ECE1: variants seen among roughly 807,000 people sequenced by gnomAD.
ECE1 encodes the protein endothelin converting enzyme 1.
Under a neutral mutation model 98.6 loss-of-function variants are expected in ECE1, and 35 were observed. The ratio of observed to expected loss-of-function variants is 0.35; its 90% CI spans 0.27 to 0.47. The LOEUF is 0.47. Among genes scored for constraint, ECE1 ranks in the 20% least tolerant of loss-of-function variants. The probability of loss-of-function intolerance (pLI) is 1.00; values close to 1 mark genes in which losing one functional copy is unlikely to be tolerated. For synonymous variants in ECE1, 394 were observed against 407.1 expected, an observed-to-expected ratio of 0.97 and a Z score of 0.39; for missense variants, 814 against 1,025.3, an observed-to-expected ratio of 0.79 and a Z score of 2.81.
Position 21,260,307 on chromosome 1 carries a change from C to G in ECE1, c.579G>C (p.Glu193Asp), listed in dbSNP as rs780793461. Residue 193 changes from glutamate to aspartate, a missense_variant, in exon 5 of 19, where the codon GAG becomes GAC. Glu to Asp is a conservative substitution (Grantham distance 45). Transcript: ENST00000374893. The surrounding 1 kb of genome is among the most constrained non-coding windows in gnomAD (Gnocchi z 4.3). Reference protein sequence around the residue: ...RACMNETRIEELRAKPLMELI... With the variant: ...RACMNETRIEDLRAKPLMELI... ...ACTCCATTAGAGGTTTGGCCCTGAG[C>G]TCCTCGATCCTGGTCTCGTTCATGC... The G allele has an allele frequency of 2.5e-6, 4 of 1,614,124 alleles. No individual in the cohort carries two copies. Among genetic ancestry groups the G allele is most frequent in the Non-Finnish European group, 3.4e-6 (4 of 1,180,052 alleles).
chr1:21,230,794 A>G (rs2098180783), intron 14 of ECE1, among the ~76,000 whole-genome samples: 1 of 152,210 alleles, frequency 6.6e-6, no homozygotes, highest in South Asian at 2.1e-4. Context: ...AAATTTGCAA[A>G]AAGTAAAACG....
chr1:21,255,076 G>A (rs1221995160), intron 8 of ECE1, among the ~76,000 whole-genome samples: 7 of 152,178 alleles, frequency 4.6e-5, no homozygotes, highest in African/African-American at 1.4e-4. Context: ...GTCCCAAGAC[G>A]GACCCATATA....
chr1:21,295,782 T>G (rs1271072017), intron 1 of ECE1, among the ~76,000 whole-genome samples: 2 of 152,252 alleles, frequency 1.3e-5, no homozygotes, highest in Admixed American at 6.5e-5. Context: ...CATGAATCCT[T>G]TGTGGAACAG....
At chr1:21,238,422 C>T in intron 10 of ECE1, 178 bp from the exon 11 acceptor site, 1 of 652,764 alleles carries the variant, frequency 1.5e-6, no homozygotes, top group Non-Finnish European at 2.8e-6. Context: ...TACCCTCACT[C>T]CCACCCCCTG....
rs1045806377 is a variant in ECE1 at position 21,247,441 on chromosome 1, G to C, written c.1021-78C>G. On this transcript the variant is annotated intron_variant, in intron 8 of 18. Transcript: ENST00000374893. ...CAGGGCTCTAGGACGGGCTTCTACA[G>C]GAAGCAAAGGAAAGAGCTTGGGCTT... 154 of 1,606,134 alleles carry C rather than the reference G, an allele frequency of 9.6e-5. No individual in the cohort carries two copies. In the Admixed American group the frequency reaches 2.5e-3, roughly 26 times the overall value.
rs540539207 is a variant in ECE1 at position 21,307,186 on chromosome 1, G to A, written c.4-17030C>T. On this transcript the variant is annotated intron_variant, in intron 1 of 18. Transcript: ENST00000415912. The surrounding 1 kb of genome is among the most constrained non-coding windows in gnomAD (Gnocchi z 4.2). ...ACTCCTGTCCACATTACCCCAGCCCGGGCCCTGTAATGCTGGCTTTAACAT... is the reference window on the plus strand; with the variant it reads ...ACTCCTGTCCACATTACCCCAGCCCAGGCCCTGTAATGCTGGCTTTAACAT... 6.6e-6 allele frequency among the ~76,000 whole-genome samples: 1 copy of A among 152,248 alleles called. No individual in the cohort carries two copies. The highest frequency in any genetic ancestry group is 2.1e-4 in the South Asian group (1 of 4,818).
At chr1:21,289,302 T>A (rs974511796) in intron 2 of ECE1, among the ~76,000 whole-genome samples, 8 of 152,120 alleles carry the variant, frequency 5.3e-5, no homozygotes, top group African/African-American at 1.9e-4. Flanking sequence ...CCCACGCACC[T>A]GGCTGGCTCC....
At chr1:21,308,025 C>T (rs1638636965) in intron 1 of ECE1, among the ~76,000 whole-genome samples, 2 of 152,304 alleles carry the variant, frequency 1.3e-5, no homozygotes, top group South Asian at 2.1e-4. Flanking sequence ...CCCTGGCTCA[C>T]TCTTAGCTTG....
chr1:21,228,127 G>A (rs2098176864), intron 14 of ECE1, 86 bp from the exon 15 acceptor site: 2 of 1,045,946 alleles, frequency 1.9e-6, no homozygotes, highest in Admixed American at 2.4e-5. Context: ...TTGGGGATCG[G>A]GAATAAGGGC....
At chr1:21,277,497 G>A (rs2098248890) in intron 3 of ECE1, among the ~76,000 whole-genome samples, 1 of 152,186 alleles carries the variant, frequency 6.6e-6, no homozygotes, top group African/African-American at 2.4e-5. Context: ...AACTAGAGCT[G>A]ATTTAGGCTG....
chr1:21,333,742 G>T (rs1017733112), intron 1 of ECE1, among the ~76,000 whole-genome samples: 1 of 152,138 alleles, frequency 6.6e-6, no homozygotes. Context: ...GCTGAGGCAG[G>T]AGAATTGCTT....
intron 1 of ECE1, among the ~76,000 whole-genome samples, chr1:21,315,951 G>T (rs1161441569): frequency 2.0e-5 from 3 of 152,150 alleles, no homozygotes. Context: ...CTTAAGAATG[G>T]GACTTAACCT....
chr1:21,334,330 A>G (rs1639265595), intron 1 of ECE1, among the ~76,000 whole-genome samples: 1 of 152,218 alleles, frequency 6.6e-6, no homozygotes, highest in Non-Finnish European at 1.5e-5. Flanking sequence ...CGGAAGCCCA[A>G]CAGGATGCCG....
chr1:21,230,776 A>C (rs6703911), intron 14 of ECE1, among the ~76,000 whole-genome samples: 113 of 152,328 alleles, frequency 7.4e-4, no homozygotes, highest in African/African-American at 2.5e-3. Context: ...ATTAAGCCAG[A>C]CATAAAGAAA....
In ECE1 at chr1:21,307,837, G is replaced by A. The variant is rs1638632245; in HGVS notation, c.4-17681C>T. ...CACAGGAAAGAGGCCCTGCCCCCTT[G>A]AGAGGGAGGCCCTGCCCCCTTGAGA... On this transcript the variant is annotated intron_variant, in intron 1 of 18. Transcript: ENST00000415912. This position sits in a 1 kb window ranked among gnomAD's most constrained non-coding sequence, Gnocchi z 4.2. 6.6e-6 allele frequency among the ~76,000 whole-genome samples: 1 copy of A among 152,074 alleles called. No homozygotes were observed. The highest frequency in any genetic ancestry group is 1.5e-5 in the Non-Finnish European group (1 of 68,008).
intron 4 of ECE1, among the ~76,000 whole-genome samples, chr1:21,271,005 C>T (rs749093518): frequency 9.9e-5 from 15 of 152,182 alleles, no homozygotes; most frequent in Non-Finnish European, 1.8e-4. Context: ...ACATATTTGC[C>T]TTTTAAGTGT....
chr1:21,290,513 C>A (rs985318367), upstream of ECE1: 28 of 1,206,342 alleles, frequency 2.3e-5, no homozygotes, highest in South Asian at 4.2e-5. The surrounding 1 kb of genome is among the most constrained non-coding windows in gnomAD (Gnocchi z 7.3). Context: ...CTGATCGGTT[C>A]GCCGGCGCCC....
chr1:21,274,634 TCACTCAGGAA>T, intron 3 of ECE1, among the ~76,000 whole-genome samples: 1 of 152,262 alleles, frequency 6.6e-6, no homozygotes, highest in South Asian at 2.1e-4. Flanking sequence ...AGTGTTCCCC[TCACTCAGGAA>T]CATAAGGCCA....
chr1:21,243,498 C>T (rs1374724838), intron 10 of ECE1, among the ~76,000 whole-genome samples: 2 of 151,860 alleles, frequency 1.3e-5, no homozygotes, highest in Middle Eastern at 3.2e-3. Flanking sequence ...GCACTACAGG[C>T]GTGAGCCACC....
Sources: gnomAD v4.1 joint callset for allele counts (sites outside exome capture counted in the v4.1 genomes callset) on GRCh38, gnomAD v4.1.1 for gene constraint, Gnocchi (gnomAD v3.1) non-coding constraint, MANE v1.5 for transcripts, NCBI Gene and HGNC (gene_info 2026-07-23, HGNC 2026-07-21) for gene names.